JUP: variants seen among roughly 807,000 people sequenced by gnomAD.
JUP encodes catenin (cadherin-associated protein), gamma 80kDa.
In JUP, 28 loss-of-function variants were observed where a neutral mutation model predicts 71.1. That is an observed-to-expected ratio of 0.39 (90% CI 0.29 to 0.54). The LOEUF is 0.54. JUP is among the 20% of genes least tolerant of loss of function. JUP has a pLI of 0.62. For synonymous variants in JUP, 401 were observed against 438.9 expected (o/e 0.91, Z 1.08); for missense variants, 869 against 1,030.1 (o/e 0.84, Z 2.14).
At chr17:41,757,850 C>A in intron 10 of JUP, 66 bp from the exon 11 acceptor site, 1 of 1,354,678 alleles carries the variant, frequency 7.4e-7, no homozygotes, top group Non-Finnish European at 1.0e-6. Flanking sequence ...GGACAACACA[C>A]CCCACAGCAC....
intron 2 of JUP, among the ~76,000 whole-genome samples, chr17:41,770,553 G>T (rs1168787865): frequency 5.9e-5 from 9 of 152,164 alleles, no homozygotes; most frequent in Non-Finnish European, 8.8e-5. Flanking sequence ...CCTACCAGCT[G>T]TCAGGGAGGA....
chr17:41,776,437 C>T (rs1469263518), intron 1 of JUP, among the ~76,000 whole-genome samples: 4 of 152,262 alleles, frequency 2.6e-5, no homozygotes, highest in African/African-American at 4.8e-5. Flanking sequence ...CGGAAGCCAG[C>T]TGGCGCAGTG....
At chr17:41,778,349 T>C (rs2046983329) in intron 1 of JUP, among the ~76,000 whole-genome samples, 1 of 151,970 alleles carries the variant, frequency 6.6e-6, no homozygotes, top group Non-Finnish European at 1.5e-5. Flanking sequence ...TGAATCCCCT[T>C]GAGCTCAGGA....
At position 41,764,783 on chromosome 17, in the gene JUP, C is replaced by A. The variant is rs2143593479; in HGVS notation, c.1088G>T (p.Ser363Ile). The A allele has an allele frequency of 3.1e-6, 5 of 1,613,748 alleles. No homozygotes were observed. Among genetic ancestry groups the A allele is most frequent in the Non-Finnish European group, 3.4e-6 (4 of 1,179,958 alleles). The change falls in exon 7 of 14, where the codon AGC (serine) becomes ATC (isoleucine). Residue 363 changes from serine to isoleucine, a missense_variant. Transcript: ENST00000393931. Reference protein sequence around the residue: ...GMQALGKHLTSNSPRLVQNCL... With the variant: ...GMQALGKHLTINSPRLVQNCL... The stretch of plus-strand genomic sequence containing the variant: ...GTTCTGCACCAGGCGGGGGCTGTTG[C>A]TGGTCAGGTGCTTGCCCAGGGCCTG...
intron 6 of JUP, 53 bp from the exon 7 acceptor site, chr17:41,764,869 C>T (rs1915450683): frequency 1.2e-6 from 2 of 1,613,768 alleles, no homozygotes; most frequent in Non-Finnish European, 1.7e-6. Context: ...CTGACTGAGC[C>T]TGGCAGCTGG....
At chr17:41,769,243 TAAG>T (rs1273203762) in intron 3 of JUP, 36 bp from the exon 4 acceptor site, 1 of 1,587,350 alleles carries the variant, frequency 6.3e-7, no homozygotes, top group Non-Finnish European at 8.5e-7. Context: ...ACGTGAGCAC[TAAG>T]GAGAGGCCGG....
intron 8 of JUP, among the ~76,000 whole-genome samples, chr17:41,761,753 CAAAAA>C (rs1180310607): frequency 1.3e-5 from 1 of 76,780 alleles, no homozygotes. Flanking sequence ...AACTCCGTCT[CAAAAA>C]AAAAAAAAAA....
intron 12 of JUP, 60 bp from the exon 13 acceptor site, chr17:41,756,274 C>T: frequency 6.5e-7 from 1 of 1,538,732 alleles, no homozygotes; most frequent in Non-Finnish European, 9.0e-7. Flanking sequence ...CGAGCTGGAT[C>T]TCAGCTGGTG....
At chr17:41,774,232 G>T (rs568820843) in intron 1 of JUP, among the ~76,000 whole-genome samples, 9 of 151,898 alleles carry the variant, frequency 5.9e-5, no homozygotes, top group East Asian at 3.9e-4. Context: ...AGGATGCCAT[G>T]GGGGGGTGGG....
chr17:41,763,016 C>G lies in JUP; in HGVS notation c.1464G>C (p.Leu488=), dbSNP rs1274053608. ...GTGGCCACTGGTTGGGCTGGTTGAG[C>G]AGCTTCACGATGGCTGGGATGCCAT... is the stretch of plus-strand genomic sequence containing the variant. ...LNYGIPAIVK[L]LNQPNQWPLV... The change falls in exon 8 of 14, where the codon CTG becomes CTC. Residue 488 remains leucine, a synonymous_variant. Coordinates refer to ENST00000393931, the MANE Select transcript of JUP (RefSeq NM_002230.4). The G allele has an allele frequency of 6.2e-7, 1 of 1,614,000 alleles. No individual in the cohort carries two copies. The highest frequency in any genetic ancestry group is 8.5e-7 in the Non-Finnish European group (1 of 1,180,036).
rs201434935 is a variant in JUP, at chr17:41,764,977, C to T, written c.1000G>A (p.Val334Met). 9 of 1,614,158 alleles carry T rather than the reference C, an allele frequency of 5.6e-6. No individual in the cohort carries two copies. The Admixed American group carries it at 1.5e-4, about 27-fold the overall frequency. The change falls in exon 6 of 14, where the codon GTG (valine) becomes ATG (methionine). Residue 334 changes from valine to methionine, a missense_variant. By Grantham distance (21) the Val-to-Met change is conservative. Transcript: ENST00000393931. Reference protein sequence around the residue: ...YEKLLWTTSRVLKVLSVCPSN... With the variant: ...YEKLLWTTSRMLKVLSVCPSN... ...GGACACACGGATAGCACCTTGAGCA[C>T]ACGACTGGTGGTCCAGAGCAGCTTT... is the stretch of plus-strand genomic sequence containing the variant.
chr17:41,778,585 A>T (rs983810310), intron 1 of JUP, among the ~76,000 whole-genome samples: 4 of 151,524 alleles, frequency 2.6e-5, no homozygotes, highest in African/African-American at 9.7e-5. Context: ...TACTATATAC[A>T]GGGGATGAGC....
chr17:41,756,023 C>A (rs1228370956), intron 13 of JUP, 128 bp from the exon 14 acceptor site: 19 of 1,355,306 alleles, frequency 1.4e-5, no homozygotes, highest in African/African-American at 2.9e-5. Context: ...CCCCAGACCC[C>A]ACACCAGGGC....
chr17:41,766,672 T>G (rs1567814764), intron 5 of JUP, among the ~76,000 whole-genome samples: 1 of 152,078 alleles, frequency 6.6e-6, no homozygotes, highest in African/African-American at 2.4e-5. Flanking sequence ...CTGGCCAATG[T>G]GGTGAAACCT....
In JUP at chr17:41,755,087, T is replaced by G. The variant is rs535470784; in HGVS notation, c.*657A>C. ...AGGGCAGTTGGTCGGTGGAGTTCAG[T>G]GAGAAAATCAGACCCAGAGAAGGAA... On this transcript the variant is annotated 3_prime_UTR_variant, in exon 14 of 14. Coordinates refer to ENST00000393931, the MANE Select transcript of JUP (RefSeq NM_002230.4). The G allele has an allele frequency of 7.7e-6, 3 of 391,640 alleles. No homozygotes were observed. The highest frequency in any genetic ancestry group is 1.4e-5 in the Non-Finnish European group (3 of 222,054). 24.3% of individuals were successfully genotyped at this position (391,640 alleles called of 1,614,324 possible).
At chr17:41,756,347 C>G (rs782754565) in intron 12 of JUP, 133 bp from the exon 13 acceptor site, 15 of 836,908 alleles carry the variant, frequency 1.8e-5, no homozygotes, top group Non-Finnish European at 2.8e-5. Context: ...CGCCTGTAAT[C>G]CCAGCACTCT....
At chr17:41,775,249 A>G (rs1007192603) in intron 1 of JUP, among the ~76,000 whole-genome samples, 3 of 152,176 alleles carry the variant, frequency 2.0e-5, no homozygotes, top group Non-Finnish European at 2.9e-5. Flanking sequence ...CAGACAGAAG[A>G]AGGCTGGGGG....
intron 8 of JUP, 71 bp downstream of exon 8, chr17:41,762,912 G>A (rs550489347): frequency 2.4e-5 from 31 of 1,312,618 alleles, no homozygotes; most frequent in Admixed American, 5.1e-5. Flanking sequence ...TTGCTACAGC[G>A]GCTTTGCCTA....
At chr17:41,776,098 C>T (rs1010089898) in intron 1 of JUP, 19 of 474,236 alleles carry the variant, frequency 4.0e-5, no homozygotes, top group Admixed American at 3.8e-4. Context: ...AGTGGGTTAC[C>T]CCAGAGGCCG....
Sources: gnomAD v4.1 joint callset for allele counts (sites outside exome capture counted in the v4.1 genomes callset) on GRCh38, gnomAD v4.1.1 for gene constraint, MANE v1.5 for transcripts, NCBI Gene and HGNC (gene_info 2026-07-23, HGNC 2026-07-21) for gene names.